LBH: variants seen among roughly 807,000 people sequenced by gnomAD.
LBH encodes protein LBH.
LBH carries 7 observed loss-of-function variants against 12.5 expected under a neutral mutation model. That is an observed-to-expected ratio of 0.56 (90% CI 0.32 to 1.05). LBH has a LOEUF of 1.05. Ranked by LOEUF, LBH falls within the 50% of genes least tolerant of loss-of-function variation. The pLI is 0.04. For missense variants in LBH, 119 were observed against 138.9 expected (o/e 0.86, Z 0.72); for synonymous variants, 51 against 50.1 (o/e 1.02, Z -0.08).
rs1275240090 is a variant in LBH, at chr2:30,232,219, G to A, written c.26+455G>A. 8 of 1,377,882 alleles carry A rather than the reference G, an allele frequency of 5.8e-6. No homozygotes were observed. The East Asian group carries it at 2.3e-4, about 40-fold the overall frequency. The allele number at this position is 1,377,882 out of a possible 1,614,324, so 85.4% of individuals were successfully genotyped here. A position where few individuals can be genotyped will look rare whatever the true frequency, so the allele number is the denominator to read the frequency against. ...CGGGGCTGAGCTGGTGCGGCCGCAG[G>A]GTTTGCAGAGCTCCGGGGGGGTGGG... On this transcript the variant is annotated intron_variant, in intron 1 of 2. Transcript: ENST00000395323.
At chr2:30,238,365 G>A (rs1400238832) in intron 2 of LBH, among the ~76,000 whole-genome samples, 2 of 152,196 alleles carry the variant, frequency 1.3e-5, no homozygotes, top group Admixed American at 1.3e-4. Context: ...CTGGACCAAG[G>A]TCTGAACACA....
At position 30,231,736 on chromosome 2, in the gene LBH, T is replaced by G; in HGVS notation, c.-3T>G. ...GGCGTGTGTCAGCCTGCCCTAGGAC[T>G]TCATGTCTATATATTTCCCCATTCA... On this transcript the variant is annotated 5_prime_UTR_variant, in exon 1 of 3. Transcript: ENST00000395323. The G allele has an allele frequency of 1.9e-6, 3 of 1,587,608 alleles. No homozygotes were observed. The highest frequency in any genetic ancestry group is 2.6e-6 in the Non-Finnish European group (3 of 1,167,550).
At chr2:30,248,085 G>A (rs1458602539) in intron 2 of LBH, among the ~76,000 whole-genome samples, 1 of 152,218 alleles carries the variant, frequency 6.6e-6, no homozygotes, top group Non-Finnish European at 1.5e-5. Flanking sequence ...GAGGGTAGCA[G>A]GTCCATCAGC....
intron 2 of LBH, among the ~76,000 whole-genome samples, chr2:30,237,958 C>A (rs1280292847): frequency 6.6e-6 from 1 of 152,132 alleles, no homozygotes; most frequent in East Asian, 1.9e-4. Flanking sequence ...TGTTGATGTC[C>A]CTGATGGCAG....
At position 30,257,748 on chromosome 2, in the gene LBH, G is replaced by T; in HGVS notation, c.*127G>T. ...AAATGTCAAACGAGGCTTCTGTTTT[G>T]CACCTGCAGATCACCGAGTTGGTTT... is the stretch of plus-strand genomic sequence containing the variant. On this transcript the variant is annotated 3_prime_UTR_variant, in exon 3 of 3. Coordinates refer to ENST00000395323, the MANE Select transcript of LBH (RefSeq NM_030915.4). 1 of 650,202 alleles carries T rather than the reference G, an allele frequency of 1.5e-6. No individual in the cohort carries two copies. Among genetic ancestry groups the T allele is most frequent in the Middle Eastern group, 4.4e-4 (1 of 2,290 alleles). 40.3% of individuals were successfully genotyped at this position (650,202 alleles called of 1,614,324 possible).
At position 30,232,027 on chromosome 2, in the gene LBH, G is replaced by A. The variant is rs1395958559; in HGVS notation, c.26+263G>A. 6.3e-6 allele frequency: 8 copies of A among 1,279,086 alleles called. No homozygotes were observed. In the South Asian group the frequency reaches 1.1e-4, roughly 17 times the overall value. 79.2% of individuals were successfully genotyped at this position (1,279,086 alleles called of 1,614,324 possible). A position where few individuals can be genotyped will look rare whatever the true frequency, so the allele number is the denominator to read the frequency against. ...GGCCGGAGGGTTTGTATTGGTTGGC[G>A]GGGGAGCCAGGGGTCACGTGTGAAT... On this transcript the variant is annotated intron_variant, in intron 1 of 2. Transcript: ENST00000395323.
intron 2 of LBH, among the ~76,000 whole-genome samples, chr2:30,242,628 C>T (rs1289143587): frequency 2.0e-5 from 3 of 152,118 alleles, no homozygotes; most frequent in African/African-American, 7.2e-5. Context: ...ATCACTGAAA[C>T]ATTTTGGTAT....
At position 30,257,865 on chromosome 2, in the gene LBH, C is replaced by A; in HGVS notation, c.*244C>A. ...CAAGGCCCTCTGAGAAAGGAAGCTG[C>A]TTAGAGCCAGGGGGTTAGTGGGTGA... On this transcript the variant is annotated 3_prime_UTR_variant, in exon 3 of 3. Coordinates refer to ENST00000395323, the MANE Select transcript of LBH (RefSeq NM_030915.4). The A allele has an allele frequency of 5.6e-6, 2 of 358,962 alleles. No homozygotes were observed. The highest frequency in any genetic ancestry group is 1.0e-5 in the Non-Finnish European group (2 of 200,492). The allele number at this position is 358,962 out of a possible 1,614,324, so 22.2% of individuals were successfully genotyped here.
chr2:30,241,664 T>C (rs146431661), intron 2 of LBH, among the ~76,000 whole-genome samples: 2,385 of 152,172 alleles, frequency 0.016, 25 homozygotes, highest in Non-Finnish European at 0.024. Flanking sequence ...GGTCTCACCA[T>C]GTTGGCCAGG....
chr2:30,237,232 A>G (rs1677704373), intron 2 of LBH, among the ~76,000 whole-genome samples: 1 of 152,216 alleles, frequency 6.6e-6, no homozygotes, highest in African/African-American at 2.4e-5. Flanking sequence ...GGAGACATCA[A>G]TCCAGACTTG....
rs1411800204 is a variant in LBH at position 30,258,998 on chromosome 2, T to C, written c.*1377T>C. The C allele has an allele frequency of 1.3e-5, 2 of 152,670 alleles. No homozygotes were observed. The highest frequency in any genetic ancestry group is 2.9e-5 in the Non-Finnish European group (2 of 68,050). The allele number at this position is 152,670 out of a possible 1,614,324, so 9.5% of individuals were successfully genotyped here. On this transcript the variant is annotated 3_prime_UTR_variant, in exon 3 of 3. Coordinates refer to ENST00000395323, the MANE Select transcript of LBH (RefSeq NM_030915.4). ...TGGCCTTTGGACTTAGGATTTCTTATTGTAGCTAAGAGCCATCTGAAGCAG... is the reference window on the plus strand; with the variant it reads ...TGGCCTTTGGACTTAGGATTTCTTACTGTAGCTAAGAGCCATCTGAAGCAG...
At chr2:30,248,582 G>C (rs1677917925) in intron 2 of LBH, among the ~76,000 whole-genome samples, 1 of 152,212 alleles carries the variant, frequency 6.6e-6, no homozygotes, top group Admixed American at 6.5e-5. Flanking sequence ...TAGAGAGACG[G>C]ATGTGCCACC....
chr2:30,233,621 G>A (rs1278246380), intron 1 of LBH, among the ~76,000 whole-genome samples: 1 of 152,266 alleles, frequency 6.6e-6, no homozygotes, highest in East Asian at 1.9e-4. Context: ...AAGGATAAGG[G>A]AATATTCGTA....
chr2:30,235,426 A>G (rs1014446228), intron 2 of LBH, among the ~76,000 whole-genome samples: 10 of 152,174 alleles, frequency 6.6e-5, no homozygotes, highest in African/African-American at 2.4e-4. Context: ...TGCTACAGAC[A>G]TGAAGGTATG....
In LBH at chr2:30,231,773, C is replaced by T. The variant is rs780007390; in HGVS notation, c.26+9C>T. On this transcript the variant is annotated intron_variant, in intron 1 of 2. Coordinates refer to ENST00000395323, the MANE Select transcript of LBH (RefSeq NM_030915.4). ...TATTTCCCCATTCACTGGTGAGTAC[C>T]CTGCGCCTGCGGCGGGCGTCTGTCT... 9 of 1,558,482 alleles carry T rather than the reference C, an allele frequency of 5.8e-6. No individual in the cohort carries two copies. The African/African-American group carries it at 7.1e-5, about 12-fold the overall frequency.
At position 30,234,525 on chromosome 2, in the gene LBH, C is replaced by G. The variant is rs1216234830; in HGVS notation, c.129+18C>G. The G allele has an allele frequency of 6.4e-7, 1 of 1,567,828 alleles. No homozygotes were observed. The highest frequency in any genetic ancestry group is 8.8e-7 in the Non-Finnish European group (1 of 1,137,820). ...CCTACCAGGTGAGTAAGTCCTGGCT[C>G]CCCTCTGACTCTCTAGAGCCTAGTG... is the stretch of plus-strand genomic sequence containing the variant. On this transcript the variant is annotated intron_variant, in intron 2 of 2. Coordinates refer to ENST00000395323, the MANE Select transcript of LBH (RefSeq NM_030915.4).
rs372313913 is a variant in LBH, at chr2:30,238,731, G to A, written c.129+4224G>A. 4.1e-4 allele frequency among the ~76,000 whole-genome samples: 63 copies of A among 152,220 alleles called. No individual in the cohort carries two copies. In the East Asian group the frequency reaches 9.1e-3, roughly 22 times the overall value. On this transcript the variant is annotated intron_variant, in intron 2 of 2. Transcript: ENST00000395323. ...TTGCCTCAGCCTTAGTATTTGCCTC[G>A]TGCAGTTGGAGAGCCTCAGCTATGG...
At chr2:30,243,350 G>A (rs1021652154) in intron 2 of LBH, among the ~76,000 whole-genome samples, 1 of 152,086 alleles carries the variant, frequency 6.6e-6, no homozygotes, top group Admixed American at 6.5e-5. Context: ...ATTGAGCATT[G>A]TGTAAACCTT....
intron 2 of LBH, among the ~76,000 whole-genome samples, chr2:30,241,686 T>C (rs558702349): frequency 1.3e-5 from 2 of 152,116 alleles, no homozygotes; most frequent in East Asian, 3.9e-4. Flanking sequence ...CGGTCTCAAA[T>C]TCCTGACCTC....
Sources: allele counts gnomAD v4.1 joint callset (sites outside exome capture counted in the v4.1 genomes callset), GRCh38; gene constraint gnomAD v4.1.1; transcripts MANE v1.5; gene names NCBI Gene and HGNC (gene_info 2026-07-23, HGNC 2026-07-21).